The following IDH2 variants were observed in gnomAD, a reference collection of about 807,000 sequenced individuals.
IDH2 encodes the protein isocitrate dehydrogenase [NADP], mitochondrial.
IDH2 carries 18 observed loss-of-function variants against 50.5 expected under a neutral mutation model. That is an observed-to-expected ratio of 0.36 (90% CI 0.25 to 0.53). The LOEUF is 0.53. Ranked by LOEUF, IDH2 falls within the 20% of genes least tolerant of loss-of-function variation. IDH2 has a pLI of 0.92. For missense variants in IDH2, 518 were observed against 610.7 expected (o/e 0.85, Z 1.60); for synonymous variants, 280 against 239.8 (o/e 1.17, Z -1.55).
Position 90,088,515 on chromosome 15 carries a change from G to A in IDH2, c.535-13C>T, listed in dbSNP as rs1216491356. On this transcript the variant is annotated splice_polypyrimidine_tract_variant and intron_variant, in intron 4 of 10. Transcript: ENST00000330062. ...CTGTGGCCTTGTACTGCAGAGACAA[G>A]AGGATGGCTAGGCGAGGAGCTCCAG... 1 of 1,614,242 alleles carries A rather than the reference G, an allele frequency of 6.2e-7. No individual in the cohort carries two copies. Among genetic ancestry groups the A allele is most frequent in the African/African-American group, 1.3e-5 (1 of 75,068 alleles).
At position 90,102,330 on chromosome 15, in the gene IDH2, A is replaced by G; in HGVS notation, c.61T>C (p.Trp21Arg). 3 of 1,363,496 alleles carry G rather than the reference A, an allele frequency of 2.2e-6. No individual in the cohort carries two copies. Among genetic ancestry groups the G allele is most frequent in the Non-Finnish European group, 2.9e-6 (3 of 1,048,534 alleles). The allele number at this position is 1,363,496 out of a possible 1,614,324, so 84.5% of individuals were successfully genotyped here. The change falls in exon 1 of 11, where the codon TGG becomes CGG. Residue 21 changes from tryptophan to arginine, a missense_variant. By Grantham distance (101) the Trp-to-Arg change is moderately radical. Transcript: ENST00000330062. ...GGGGCTGTCAGGGCCGCCGGCGCCC[A>G]GGCCGGCCGCGAGCCTGAGGCTCTG... Reference protein sequence around the residue: ...LCRASGSRPAWAPAALTAPTS... With the variant: ...LCRASGSRPARAPAALTAPTS...
rs1487794896 is a variant in IDH2, at chr15:90,083,597, G to A, written c.*669C>T. ...TGGAAAGGAGAAGTGTGAGGCAGGT[G>A]TGGGTAGGACCTCTTTTTAGTACCT... On this transcript the variant is annotated 3_prime_UTR_variant, in exon 11 of 11. Transcript: ENST00000330062. 6.5e-6 allele frequency: 1 copy of A among 154,362 alleles called. No individual in the cohort carries two copies. Among genetic ancestry groups the A allele is most frequent in the Non-Finnish European group, 1.4e-5 (1 of 69,458 alleles). 9.6% of individuals were successfully genotyped at this position (154,362 alleles called of 1,614,324 possible).
In IDH2 at chr15:90,098,397, A is replaced by C. The variant is rs1354893285; in HGVS notation, c.115+3879T>G. ...CCTCCACATTCCTACCCATGCTCTC[A>C]GCAGAAAGGCTGCTCAGTCAGCATG... On this transcript the variant is annotated intron_variant, in intron 1 of 10. Coordinates refer to ENST00000330062, the MANE Select transcript of IDH2 (RefSeq NM_002168.4). This position sits in a 1 kb window ranked among gnomAD's most constrained non-coding sequence, Gnocchi z 5.1. Among the ~76,000 whole-genome samples, 1 of 152,218 alleles carries C rather than the reference A, an allele frequency of 6.6e-6. No individual in the cohort carries two copies. The highest frequency in any genetic ancestry group is 1.5e-5 in the Non-Finnish European group (1 of 68,032).
Position 90,091,618 on chromosome 15 carries a change from TC to T in IDH2, c.141del (p.Lys48SerfsTer11), listed in dbSNP as rs1186634724. ...RHYADKRIKV[A>X]KPVVEMDGDE... ...TCACCATCCATCTCCACCACGGGCT[TC>T]GCCACCTTGATCCTTTTGTCGGCAT... On this transcript the variant is annotated frameshift_variant, in exon 2 of 11. Transcript: ENST00000330062. LOFTEE classifies it high-confidence loss of function. 1 of 1,614,196 alleles carries T rather than the reference TC, an allele frequency of 6.2e-7. No homozygotes were observed. Among genetic ancestry groups the T allele is most frequent in the Non-Finnish European group, 8.5e-7 (1 of 1,180,016 alleles).
chr15:90,087,874 G>GC (rs1735235239), intron 5 of IDH2, among the ~76,000 whole-genome samples: 2 of 149,418 alleles, frequency 1.3e-5, no homozygotes, highest in African/African-American at 5.0e-5. Context: ...TGTGGCTGGG[G>GC]CAGGGCTAAT....
chr15:90,089,974 C>T (rs1596075696), intron 3 of IDH2, among the ~76,000 whole-genome samples: 1 of 149,130 alleles, frequency 6.7e-6, no homozygotes, highest in Non-Finnish European at 1.5e-5. Flanking sequence ...AGGCCTTACA[C>T]ACAGCACTCC....
rs761404149 is a variant in IDH2, at chr15:90,088,415, C to G, written c.622G>C (p.Glu208Gln). 6.2e-7 allele frequency: 1 copy of G among 1,614,108 alleles called. No individual in the cohort carries two copies. The highest frequency in any genetic ancestry group is 8.5e-7 in the Non-Finnish European group (1 of 1,180,056). The stretch of plus-strand genomic sequence containing the variant: ...CCGCCTGCGGGGAAGTTGTACACTT[C>G]CCACTCCTTGACACCACTGCCATCT... ...PKDGSGVKEW[E>Q]VYNFPAGGVG... Residue 208 changes from glutamate to glutamine, a missense_variant, in exon 5 of 11, where the codon GAA becomes CAA. Glu to Gln is a conservative substitution (Grantham distance 29, BLOSUM62 2). Transcript: ENST00000330062.
chr15:90,087,084 C>G (rs769097040), intron 7 of IDH2, 28 bp downstream of exon 7: 1 of 1,613,314 alleles, frequency 6.2e-7, no homozygotes, highest in Admixed American at 1.7e-5. Context: ...AGTCCACCCC[C>G]ACAGGGAGCA....
chr15:90,099,663 G>C (rs1027860840), intron 1 of IDH2, among the ~76,000 whole-genome samples: 4 of 151,932 alleles, frequency 2.6e-5, no homozygotes, highest in African/African-American at 9.7e-5. Context: ...TCACTATATT[G>C]CCCAGGCTGG....
intron 3 of IDH2, among the ~76,000 whole-genome samples, chr15:90,090,125 C>T (rs1200984746): frequency 6.6e-6 from 1 of 152,170 alleles, no homozygotes; most frequent in Non-Finnish European, 1.5e-5. Context: ...ACCGATGACA[C>T]CTACCACTGT....
chr15:90,093,256 G>C (rs771022426), intron 1 of IDH2, among the ~76,000 whole-genome samples: 4 of 152,172 alleles, frequency 2.6e-5, no homozygotes, highest in Non-Finnish European at 5.9e-5. Context: ...CTCAGACTCC[G>C]GGGCTCAAGC....
At position 90,084,116 on chromosome 15, in the gene IDH2, C is replaced by A; in HGVS notation, c.*150G>T. The A allele has an allele frequency of 1.5e-6, 1 of 660,062 alleles. No homozygotes were observed. Among genetic ancestry groups the A allele is most frequent in the South Asian group, 1.7e-5 (1 of 58,340 alleles). 40.9% of individuals were successfully genotyped at this position (660,062 alleles called of 1,614,324 possible). ...TCACGTCACCATGAGGGGAAACACA[C>A]ATATGCTTTTAAAAACATCTGGCTT... On this transcript the variant is annotated 3_prime_UTR_variant, in exon 11 of 11. Transcript: ENST00000330062. The surrounding 1 kb of genome is among the most constrained non-coding windows in gnomAD (Gnocchi z 5.0).
chr15:90,094,397 G>A (rs928449208), intron 1 of IDH2, among the ~76,000 whole-genome samples: 11 of 152,220 alleles, frequency 7.2e-5, no homozygotes, highest in Admixed American at 6.5e-5. Context: ...ATGCAGAGCA[G>A]GGAACAAGAT....
chr15:90,088,789 T>C (rs774831981), intron 3 of IDH2, 42 bp from the exon 4 acceptor site: 41 of 1,610,914 alleles, frequency 2.5e-5, no homozygotes, highest in Non-Finnish European at 3.5e-5. Flanking sequence ...GCAGCCGCCA[T>C]CTTTCAACCA....
chr15:90,101,376 T>C (rs1167610914), intron 1 of IDH2, among the ~76,000 whole-genome samples: 1 of 152,152 alleles, frequency 6.6e-6, no homozygotes, highest in Non-Finnish European at 1.5e-5. Flanking sequence ...CTTTTGTAGC[T>C]GTGTTGGGTA....
Position 90,085,265 on chromosome 15 carries a change from C to A in IDH2, c.1080+10G>T. 6.4e-7 allele frequency: 1 copy of A among 1,554,602 alleles called. No homozygotes were observed. Among genetic ancestry groups the A allele is most frequent in the Non-Finnish European group, 8.7e-7 (1 of 1,146,826 alleles). On this transcript the variant is annotated intron_variant, in intron 8 of 10. Transcript: ENST00000330062. The surrounding 1 kb of genome is among the most constrained non-coding windows in gnomAD (Gnocchi z 5.5). ...GAGGGGCATTGTGAGGCCCCATGCC[C>A]TGCACTCACCTTCTGGTGCTCCCGA...
chr15:90,086,143 A>AT (rs957083055), intron 7 of IDH2, among the ~76,000 whole-genome samples: 2 of 152,104 alleles, frequency 1.3e-5, no homozygotes, highest in African/African-American at 4.8e-5. Flanking sequence ...CGGTGAGAGG[A>AT]TCCCCACTGA....
At position 90,100,596 on chromosome 15, in the gene IDH2, G is replaced by A. The variant is rs1387001340; in HGVS notation, c.115+1680C>T. The A allele has an allele frequency of 4.1e-6, 4 of 984,298 alleles. No homozygotes were observed. The highest frequency in any genetic ancestry group is 3.5e-5 in the African/African-American group (2 of 57,222). 61.0% of individuals were successfully genotyped at this position (984,298 alleles called of 1,614,324 possible). A position where few individuals can be genotyped will look rare whatever the true frequency, so the allele number is the denominator to read the frequency against. ...CTTACCAGAAACATCACCAGCAGTC[G>A]CTGGAAGCCTATGGCGTTGCAAAAT... On this transcript the variant is annotated intron_variant, in intron 1 of 10. Coordinates refer to ENST00000330062, the MANE Select transcript of IDH2 (RefSeq NM_002168.4). The surrounding 1 kb of genome is among the most constrained non-coding windows in gnomAD (Gnocchi z 4.1).
At chr15:90,101,714 A>G (rs1901336974) in intron 1 of IDH2, among the ~76,000 whole-genome samples, 1 of 152,090 alleles carries the variant, frequency 6.6e-6, no homozygotes, top group Non-Finnish European at 1.5e-5. Flanking sequence ...AAAGGGGAAA[A>G]TTAAAAAGGA....
Sources: gnomAD v4.1 joint callset for allele counts (sites outside exome capture counted in the v4.1 genomes callset) on GRCh38, gnomAD v4.1.1 for gene constraint, Gnocchi (gnomAD v3.1) non-coding constraint, MANE v1.5 for transcripts, NCBI Gene and HGNC (gene_info 2026-07-23, HGNC 2026-07-21) for gene names.